The following MAP2K5 variants were observed in gnomAD, a reference collection of about 807,000 sequenced individuals.
The protein encoded by MAP2K5 is dual specificity mitogen-activated protein kinase kinase 5.
MAP2K5 carries 49 observed loss-of-function variants against 83.1 expected under a neutral mutation model. The ratio of observed to expected loss-of-function variants is 0.59; its 90% confidence interval spans 0.47 to 0.75. MAP2K5 has a LOEUF of 0.75. Ranked by LOEUF, MAP2K5 falls within the 30% of genes least tolerant of loss-of-function variation. The pLI is 0.00. For missense variants in MAP2K5, 457 were observed against 557.5 expected (o/e 0.82, Z 1.82); for synonymous variants, 202 against 191.8 (o/e 1.05, Z -0.44).
chr15:67,701,935 T>C (rs1379759854), intron 15 of MAP2K5, among the ~76,000 whole-genome samples: 1 of 152,226 alleles, frequency 6.6e-6, no homozygotes, highest in East Asian at 1.9e-4. Context: ...CTGGCTCCGC[T>C]CCTGGACAGT....
chr15:67,678,788 AC>A (rs768553430), intron 13 of MAP2K5, among the ~76,000 whole-genome samples: 1 of 152,018 alleles, frequency 6.6e-6, no homozygotes, highest in South Asian at 2.1e-4. Context: ...ATATGGAGAA[AC>A]CCCATCTCTA....
chr15:67,626,337 A>G (rs1368853196), intron 8 of MAP2K5, among the ~76,000 whole-genome samples: 1 of 152,212 alleles, frequency 6.6e-6, no homozygotes. Context: ...AGCCTGGCCA[A>G]CATGGTGAAA....
chr15:67,613,208 A>G (rs976259430), intron 8 of MAP2K5, among the ~76,000 whole-genome samples: 2 of 152,216 alleles, frequency 1.3e-5, no homozygotes, highest in Admixed American at 1.3e-4. Flanking sequence ...TTGCAAAGCC[A>G]TCTTCCAGAA....
chr15:67,688,633 A>G lies in MAP2K5; in HGVS notation c.848-3846A>G, dbSNP rs150855908. ...CTTTTTCTAGCTTGGTTGATTACCA[A>G]TTGATAATGATAATACACTTAAAGA... On this transcript the variant is annotated intron_variant, in intron 13 of 21. Transcript: ENST00000178640. Among the ~76,000 whole-genome samples, 1,390 of 152,350 alleles carry G rather than the reference A, an allele frequency of 9.1e-3. 4 individuals are homozygous for G. Among genetic ancestry groups the G allele is most frequent in the Non-Finnish European group, 0.014 (938 of 68,040 alleles).
At chr15:67,806,594 G>A in intron 21 of MAP2K5, 52 bp from the exon 22 acceptor site, 1 of 1,475,202 alleles carries the variant, frequency 6.8e-7, no homozygotes, top group South Asian at 1.3e-5. Flanking sequence ...AAAGTACAAT[G>A]AGCGCGGGAG....
chr15:67,740,412 T>C (rs971935926), intron 17 of MAP2K5, among the ~76,000 whole-genome samples: 1 of 152,156 alleles, frequency 6.6e-6, no homozygotes, highest in Non-Finnish European at 1.5e-5. Context: ...CATGAATACC[T>C]GAGCATAACA....
intron 8 of MAP2K5, among the ~76,000 whole-genome samples, chr15:67,617,953 C>T (rs982569590): frequency 6.6e-6 from 1 of 152,198 alleles, no homozygotes; most frequent in African/African-American, 2.4e-5. Context: ...CTCAGCCTCC[C>T]AAAGTGTTGG....
chr15:67,647,112 A>G (rs759620697), intron 11 of MAP2K5, among the ~76,000 whole-genome samples: 1 of 152,212 alleles, frequency 6.6e-6, no homozygotes, highest in East Asian at 1.9e-4. Context: ...TAAATTTTAC[A>G]TATTCAGTTT....
At chr15:67,551,588 C>G (rs1466201376) in intron 2 of MAP2K5, among the ~76,000 whole-genome samples, 3 of 152,118 alleles carry the variant, frequency 2.0e-5, no homozygotes, top group Admixed American at 2.0e-4. Context: ...CTGCCTTGAC[C>G]TCCCTAAGTG....
Position 67,793,564 on chromosome 15 carries a change from A to G in MAP2K5, c.1243-13082A>G, listed in dbSNP as rs1289481034. Among the ~76,000 whole-genome samples the G allele has an allele frequency of 1.3e-5, 2 of 152,226 alleles. No individual in the cohort carries two copies. Among genetic ancestry groups the G allele is most frequent in the Non-Finnish European group, 2.9e-5 (2 of 68,038 alleles). ...TCAGATACTAAGCTTGTTAGAATCA[A>G]GTCTAAAATACAAGAAAGCTGGCTT... is the stretch of plus-strand genomic sequence containing the variant. On this transcript the variant is annotated intron_variant, in intron 21 of 21. Coordinates refer to ENST00000178640, the MANE Select transcript of MAP2K5 (RefSeq NM_145160.3). The surrounding 1 kb of genome is among the most constrained non-coding windows in gnomAD (Gnocchi z 4.6).
At chr15:67,696,013 T>TA (rs765458518) in intron 15 of MAP2K5, among the ~76,000 whole-genome samples, 79 of 151,996 alleles carry the variant, frequency 5.2e-4, no homozygotes, top group Non-Finnish European at 8.4e-4. Flanking sequence ...AGTGCTCACC[T>TA]ACATGGTGTA....
chr15:67,609,922 G>A (rs865996339), intron 8 of MAP2K5, among the ~76,000 whole-genome samples: 1 of 152,172 alleles, frequency 6.6e-6, no homozygotes, highest in Middle Eastern at 3.4e-3. Flanking sequence ...TAAGCTCTGG[G>A]GAAGGTGTAG....
chr15:67,777,323 G>T lies in MAP2K5; in HGVS notation c.1242+4571G>T, dbSNP rs1246886215. Among the ~76,000 whole-genome samples, 1 of 152,208 alleles carries T rather than the reference G, an allele frequency of 6.6e-6. No homozygotes were observed. The highest frequency in any genetic ancestry group is 1.9e-4 in the East Asian group (1 of 5,198). Reference sequence around the variant, plus strand: ...TACAATTTGGGCTCAGAGTACGGTAGATCTTTCTATGCATTTAGAGTGTTT... The same window carrying T: ...TACAATTTGGGCTCAGAGTACGGTATATCTTTCTATGCATTTAGAGTGTTT... On this transcript the variant is annotated intron_variant, in intron 21 of 21. Coordinates refer to ENST00000178640, the MANE Select transcript of MAP2K5 (RefSeq NM_145160.3). This position sits in a 1 kb window ranked among gnomAD's most constrained non-coding sequence, Gnocchi z 6.0.
intron 6 of MAP2K5, among the ~76,000 whole-genome samples, chr15:67,590,484 T>TCTCTCTC (rs1555529592): frequency 1.4e-5 from 2 of 142,974 alleles, no homozygotes; most frequent in Non-Finnish European, 1.5e-5. Flanking sequence ...TCTTTGTTTC[T>TCTCTCTC]TTTTGAGACA....
At position 67,758,792 on chromosome 15, in the gene MAP2K5, G is replaced by A. The variant is rs1468800449; in HGVS notation, c.1134+10191G>A. ...CACAACACTCTATTTTACAGACAAG[G>A]AAACTGAGTGACAATCAAAGGGTAA... On this transcript the variant is annotated intron_variant, in intron 19 of 21. Transcript: ENST00000178640. The surrounding 1 kb of genome is among the most constrained non-coding windows in gnomAD (Gnocchi z 4.7). Among the ~76,000 whole-genome samples, 2 of 152,120 alleles carry A rather than the reference G, an allele frequency of 1.3e-5. No individual in the cohort carries two copies. Among genetic ancestry groups the A allele is most frequent in the African/African-American group, 2.4e-5 (1 of 41,416 alleles).
intron 9 of MAP2K5, among the ~76,000 whole-genome samples, chr15:67,645,984 A>G (rs1390187144): frequency 6.6e-6 from 1 of 152,164 alleles, no homozygotes; most frequent in Non-Finnish European, 1.5e-5. Flanking sequence ...AGCCATTACT[A>G]TTGACCTTTG....
chr15:67,786,372 A>G lies in MAP2K5; in HGVS notation c.1242+13620A>G, dbSNP rs1397210397. 2.0e-5 allele frequency among the ~76,000 whole-genome samples: 3 copies of G among 152,218 alleles called. No homozygotes were observed. Among genetic ancestry groups the G allele is most frequent in the African/African-American group, 7.2e-5 (3 of 41,454 alleles). ...TTCATGTCTGTCCTTTATTATTGGTAAAATGTAATGAGCATCTTGTTGGAG... is the reference window on the plus strand; with the variant it reads ...TTCATGTCTGTCCTTTATTATTGGTGAAATGTAATGAGCATCTTGTTGGAG... On this transcript the variant is annotated intron_variant, in intron 21 of 21. Coordinates refer to ENST00000178640, the MANE Select transcript of MAP2K5 (RefSeq NM_145160.3). This position sits in a 1 kb window ranked among gnomAD's most constrained non-coding sequence, Gnocchi z 4.7.
rs2086681276 is a variant in MAP2K5 at position 67,640,030 on chromosome 15, T to C, written c.586-6201T>C. ...GTCTTTTAAGGGTGTTATCACCAAC[T>C]GCCTTGTATTTTGCTGTTAGTATAC... is the stretch of plus-strand genomic sequence containing the variant. On this transcript the variant is annotated intron_variant, in intron 9 of 21. Coordinates refer to ENST00000178640, the MANE Select transcript of MAP2K5 (RefSeq NM_145160.3). This position sits in a 1 kb window ranked among gnomAD's most constrained non-coding sequence, Gnocchi z 4.6. Among the ~76,000 whole-genome samples, 1 of 152,216 alleles carries C rather than the reference T, an allele frequency of 6.6e-6. No individual in the cohort carries two copies. The highest frequency in any genetic ancestry group is 2.4e-5 in the African/African-American group (1 of 41,460).
At chr15:67,586,813 C>T (rs1217587245) in intron 5 of MAP2K5, 33 bp from the exon 6 acceptor site, 5 of 1,597,668 alleles carry the variant, frequency 3.1e-6, no homozygotes, top group East Asian at 2.2e-5. Flanking sequence ...CCTCAGAACA[C>T]AAGACTGATC....
Sources: gnomAD v4.1 joint callset for allele counts (sites outside exome capture counted in the v4.1 genomes callset) on GRCh38, gnomAD v4.1.1 for gene constraint, Gnocchi (gnomAD v3.1) non-coding constraint, MANE v1.5 for transcripts, NCBI Gene and HGNC (gene_info 2026-07-23, HGNC 2026-07-21) for gene names.